SNX4: variants seen among roughly 807,000 people sequenced by gnomAD.
The protein encoded by SNX4 is sorting nexin 4.
SNX4 carries 49 observed loss-of-function variants against 70.8 expected under a neutral mutation model. The observed-to-expected ratio is 0.69, with a 90% CI of 0.55 to 0.88. The LOEUF (loss-of-function observed/expected upper bound fraction) is 0.88. Among genes scored for constraint, SNX4 ranks in the 40% least tolerant of loss-of-function variants. SNX4 has a pLI of 0.00. For missense variants in SNX4, 528 were observed against 544.8 expected (o/e 0.97, Z 0.31); for synonymous variants, 206 against 183.8 (o/e 1.12, Z -0.98).
At chr3:125,494,087 AAT>A (rs1401949716) in intron 5 of SNX4, among the ~76,000 whole-genome samples, 4 of 152,142 alleles carry the variant, frequency 2.6e-5, no homozygotes, top group Admixed American at 2.6e-4. Flanking sequence ...CTACAGACAA[AAT>A]ATGTCTGAGA....
intron 12 of SNX4, among the ~76,000 whole-genome samples, chr3:125,452,635 G>A (rs1933603743): frequency 6.6e-6 from 1 of 151,610 alleles, no homozygotes; most frequent in South Asian, 2.1e-4. Context: ...ATTTGTTTTT[G>A]GAGACAGAGT....
chr3:125,513,305 A>C (rs1559827137), intron 1 of SNX4, among the ~76,000 whole-genome samples: 1 of 152,164 alleles, frequency 6.6e-6, no homozygotes, highest in African/African-American at 2.4e-5. Flanking sequence ...CCAGTTCCTT[A>C]ATCTTGGACT....
In SNX4 at chr3:125,480,281, T is replaced by A; in HGVS notation, c.692A>T (p.Gln231Leu). The change falls in exon 7 of 14, where the codon CAG (glutamine) becomes CTG (leucine). Residue 231 changes from glutamine (Q) to leucine (L), a missense_variant. By Grantham distance (113) the Gln-to-Leu change is moderately radical. Coordinates refer to ENST00000251775, the MANE Select transcript of SNX4 (RefSeq NM_003794.4). ...TDLKHYSDEL[Q>L]SVISHLLRVR... ...TCGAAGAAGATGTGAGATGACAGAC[T>A]GCAGTTCATCACTATAGTGCTTAAG... 6.4e-7 allele frequency: 1 copy of A among 1,573,660 alleles called. No individual in the cohort carries two copies. Among genetic ancestry groups the A allele is most frequent in the Non-Finnish European group, 8.6e-7 (1 of 1,157,630 alleles).
chr3:125,462,659 A>T (rs1195711473), intron 9 of SNX4, among the ~76,000 whole-genome samples: 2 of 151,924 alleles, frequency 1.3e-5, no homozygotes, highest in African/African-American at 4.8e-5. Context: ...GTAATTTAAT[A>T]TAAAATTGTA....
intron 1 of SNX4, among the ~76,000 whole-genome samples, chr3:125,510,466 T>A (rs1291281972): frequency 6.6e-6 from 1 of 152,038 alleles, no homozygotes; most frequent in Non-Finnish European, 1.5e-5. Context: ...CCTGACCTTG[T>A]GATCCACCCG....
intron 6 of SNX4, 74 bp from the exon 7 acceptor site, chr3:125,480,393 T>C (rs931828867): frequency 5.7e-6 from 5 of 878,688 alleles, no homozygotes; most frequent in Non-Finnish European, 8.4e-6. Context: ...AAAAAAACAG[T>C]AGTTCCCGAC....
At chr3:125,464,727 A>C (rs1933966956) in intron 9 of SNX4, among the ~76,000 whole-genome samples, 1 of 150,042 alleles carries the variant, frequency 6.7e-6, no homozygotes, top group Non-Finnish European at 1.5e-5. Flanking sequence ...ACATGCCACC[A>C]CTCCCTGCTA....
At chr3:125,465,162 T>C (rs1263640420) in intron 9 of SNX4, among the ~76,000 whole-genome samples, 1 of 152,260 alleles carries the variant, frequency 6.6e-6, no homozygotes, top group African/African-American at 2.4e-5. Context: ...GATCACAGCA[T>C]GAGCCACTGT....
chr3:125,470,969 G>T (rs1045901885), intron 8 of SNX4, among the ~76,000 whole-genome samples: 2 of 152,176 alleles, frequency 1.3e-5, no homozygotes, highest in African/African-American at 4.8e-5. Flanking sequence ...AGACAGAGCT[G>T]AGCCTAGAAC....
At chr3:125,509,167 T>C (rs1443055763) in intron 1 of SNX4, among the ~76,000 whole-genome samples, 1 of 150,766 alleles carries the variant, frequency 6.6e-6, no homozygotes, top group Non-Finnish European at 1.5e-5. Flanking sequence ...ACCGCATCTC[T>C]ACAAAAATAC....
At chr3:125,475,075 C>G (rs993640911) in intron 8 of SNX4, among the ~76,000 whole-genome samples, 1 of 152,062 alleles carries the variant, frequency 6.6e-6, no homozygotes. Context: ...TTTTCATAGA[C>G]CCTGGTCCTA....
At chr3:125,466,392 T>G (rs1021332858) in intron 9 of SNX4, among the ~76,000 whole-genome samples, 1 of 148,282 alleles carries the variant, frequency 6.7e-6, no homozygotes, top group African/African-American at 2.5e-5. Flanking sequence ...GGACATAGGC[T>G]ATGGCAAAGA....
rs1316328685 is a variant in SNX4, at chr3:125,451,413, A to C, written c.1197T>G (p.Phe399Leu). 6.2e-7 allele frequency: 1 copy of C among 1,604,376 alleles called. No individual in the cohort carries two copies. The change falls in exon 13 of 14, where the codon TTT becomes TTG. Residue 399 changes from phenylalanine to leucine, a missense_variant. By Grantham distance (22) the Phe-to-Leu change is conservative (BLOSUM62 0). Coordinates refer to ENST00000251775, the MANE Select transcript of SNX4 (RefSeq NM_003794.4). ...LKSKNLEGRE[F>L]VKNAWADIER... ...CAATATCAGCCCATGCGTTTTTCACAAATTCTCTGAAATAAAAGGTATAGC... is the reference window on the plus strand; with the variant it reads ...CAATATCAGCCCATGCGTTTTTCACCAATTCTCTGAAATAAAAGGTATAGC...
chr3:125,470,307 G>A (rs1000007594), intron 8 of SNX4, among the ~76,000 whole-genome samples: 1 of 151,890 alleles, frequency 6.6e-6, no homozygotes, highest in African/African-American at 2.4e-5. Context: ...TGTTCTAAAT[G>A]TCATTTTAAA....
intron 11 of SNX4, 88 bp downstream of exon 11, chr3:125,457,178 G>A (rs1293520359): frequency 2.4e-5 from 21 of 870,828 alleles, no homozygotes; most frequent in Non-Finnish European, 3.9e-6. Flanking sequence ...TGATTCTACA[G>A]GAGTGAGTTA....
In SNX4 at chr3:125,512,174, T is replaced by G. The variant is rs74534990; in HGVS notation, c.142-7430A>C. Among the ~76,000 whole-genome samples the G allele has an allele frequency of 1.3e-4, 19 of 151,950 alleles. No individual in the cohort carries two copies. In the East Asian group the frequency reaches 3.7e-3, roughly 29 times the overall value. ...AAGCACAAGCCACCCAACATCAGGG[T>G]TGGTTATGAAGCCCTCATTGGTTGA... On this transcript the variant is annotated intron_variant, in intron 1 of 13. Transcript: ENST00000251775.
intron 5 of SNX4, among the ~76,000 whole-genome samples, chr3:125,496,920 T>G (rs190389301): frequency 6.6e-6 from 1 of 152,078 alleles, no homozygotes; most frequent in African/African-American, 2.4e-5. Flanking sequence ...ACTGCTAAGG[T>G]TGGACTCTTT....
intron 10 of SNX4, among the ~76,000 whole-genome samples, chr3:125,460,121 G>C (rs1397207336): frequency 6.6e-6 from 1 of 150,618 alleles, no homozygotes; most frequent in Non-Finnish European, 1.5e-5. Context: ...TTGAACCCGG[G>C]ACGTGGAGGT....
In SNX4 at chr3:125,520,048, C is replaced by G. The variant is rs1382154276; in HGVS notation, c.125G>C (p.Ser42Thr). 1.9e-6 allele frequency: 3 copies of G among 1,564,804 alleles called. No homozygotes were observed. Among genetic ancestry groups the G allele is most frequent in the East Asian group, 2.6e-5 (1 of 38,146 alleles). The change falls in exon 1 of 14, where the codon AGC (serine) becomes ACC (threonine). Residue 42 changes from serine to threonine, a missense_variant. Ser to Thr is a moderately conservative substitution (Grantham distance 58, BLOSUM62 1). Around this residue, in one of 3 missense-constraint regions of SNX4, gnomAD observed 341 missense variants for 312.2 expected, o/e 1.09. Transcript: ENST00000251775. ...GKEAEGAGEE[S>T]SGVDTMTHNN... ...TCTCCTCACCGTGTCGACCCCAGAGCTCTCTTCTCCGGCCCCCTCCGCTTC... is the reference window on the plus strand; with the variant it reads ...TCTCCTCACCGTGTCGACCCCAGAGGTCTCTTCTCCGGCCCCCTCCGCTTC...
Sources: gnomAD v4.1 joint callset for allele counts (sites outside exome capture counted in the v4.1 genomes callset) on GRCh38, gnomAD v4.1.1 for gene constraint, gnomAD v4.1.1 regional missense constraint, MANE v1.5 for transcripts, NCBI Gene and HGNC (gene_info 2026-07-23, HGNC 2026-07-21) for gene names.